The following C2orf78 variants were observed in gnomAD, a reference collection of about 807,000 sequenced individuals.
C2orf78 encodes the protein chromosome 2 open reading frame 78, also known as uncharacterized protein C2orf78.
A neutral mutation model predicts 21.4 loss-of-function variants in C2orf78; 12 were observed. That is an observed-to-expected ratio of 0.56 (90% confidence interval 0.36 to 0.91). The LOEUF is 0.91. Among genes scored for constraint, C2orf78 ranks in the 40% least tolerant of loss-of-function variants. The probability of loss-of-function intolerance (pLI) is 0.01; values close to 1 mark genes in which losing one functional copy is unlikely to be tolerated. For missense variants in C2orf78, 1,042 were observed against 1,092.4 expected (o/e 0.95, Z 0.65); for synonymous variants, 396 against 413.9 (o/e 0.96, Z 0.52).
intron 1 of C2orf78, among the ~76,000 whole-genome samples, chr2:73,808,412 T>C (rs1158210800): frequency 1.1e-4 from 17 of 151,258 alleles, no homozygotes; most frequent in Admixed American, 3.9e-4. Flanking sequence ...CATAGTATTA[T>C]ATAATATGAA....
intron 1 of C2orf78, among the ~76,000 whole-genome samples, chr2:73,810,250 G>C (rs1332273312): frequency 1.3e-5 from 2 of 151,966 alleles, no homozygotes; most frequent in African/African-American, 2.4e-5. Flanking sequence ...TGCTTTAGAG[G>C]CCGGGCAGGA....
exon 2 of C2orf78, chr2:73,813,761 G>A: frequency 1.2e-6 from 2 of 1,614,054 alleles, no homozygotes; most frequent in Non-Finnish European, 1.7e-6. Context: ...AGGCGTTTTT[G>A]AGTGGGATAG....
intron 1 of C2orf78, among the ~76,000 whole-genome samples, chr2:73,810,854 T>C (rs1673074082): frequency 7.3e-6 from 1 of 136,642 alleles, no homozygotes; most frequent in African/African-American, 2.8e-5. Context: ...ACATGTATAT[T>C]ATATATAATA....
chr2:73,808,266 A>G lies in C2orf78; in HGVS notation c.98-5211A>G, dbSNP rs558185215. On this transcript the variant is annotated intron_variant, in intron 1 of 2. Transcript: ENST00000409561. ...CAGACTCCATCTCACAAAAAATTCAATAAAATAAAAAAGCAGCAGTAAATT... is the reference window on the plus strand; with the variant it reads ...CAGACTCCATCTCACAAAAAATTCAGTAAAATAAAAAAGCAGCAGTAAATT... Among the ~76,000 whole-genome samples the G allele has an allele frequency of 4.0e-5, 6 of 151,168 alleles. No homozygotes were observed. In the East Asian group the frequency reaches 1.2e-3, roughly 29 times the overall value.
At chr2:73,808,343 T>A (rs890813304) in intron 1 of C2orf78, among the ~76,000 whole-genome samples, 10 of 151,214 alleles carry the variant, frequency 6.6e-5, no homozygotes, top group Admixed American at 1.3e-4. Context: ...TTGCTCAACT[T>A]AGACATCCCC....
At chr2:73,810,485 C>G (rs1268189365) in intron 1 of C2orf78, among the ~76,000 whole-genome samples, 13 of 149,406 alleles carry the variant, frequency 8.7e-5, no homozygotes, top group Non-Finnish European at 1.5e-4. Flanking sequence ...CTAGATCATG[C>G]CATTGCACTC....
intron 2 of C2orf78, 80 bp downstream of exon 2, chr2:73,814,306 C>T (rs997437631): frequency 9.8e-6 from 14 of 1,430,382 alleles, no homozygotes; most frequent in Middle Eastern, 1.8e-4. Flanking sequence ...GTGGTGAGTC[C>T]GTGGATAGGT....
At chr2:73,816,783 C>A (rs563673924) in exon 3 of C2orf78, 2 of 1,613,920 alleles carry the variant, frequency 1.2e-6, no homozygotes, top group African/African-American at 1.3e-5. Flanking sequence ...CAGCCTCCAA[C>A]CCCGTCCATG....
intron 2 of C2orf78, among the ~76,000 whole-genome samples, chr2:73,814,547 CT>C (rs770173754): frequency 5.3e-5 from 8 of 152,206 alleles, no homozygotes; most frequent in Non-Finnish European, 1.0e-4. Flanking sequence ...TTACTTTAGT[CT>C]CTTTGGAAGG....
chr2:73,816,995 G>T, exon 3 of C2orf78: 1 of 1,601,646 alleles, frequency 6.2e-7, no homozygotes, highest in Admixed American at 1.7e-5. Context: ...CAATCTAAGA[G>T]CTGAGATTGT....
At chr2:73,814,006 C>T in exon 2 of C2orf78, 2 of 1,614,040 alleles carry the variant, frequency 1.2e-6, no homozygotes, top group Non-Finnish European at 1.7e-6. Context: ...AGATAGGAAG[C>T]CAGGTCTATT....
At chr2:73,784,536 T>G in intron 1 of C2orf78, 130 bp downstream of exon 1, 1 of 642,598 alleles carries the variant, frequency 1.6e-6, no homozygotes, top group South Asian at 1.9e-5. Flanking sequence ...TCCAGAGACC[T>G]CATTTCAGTT....
exon 3 of C2orf78, chr2:73,815,172 A>G (rs1466034284): frequency 1.2e-6 from 2 of 1,613,888 alleles, no homozygotes; most frequent in East Asian, 2.2e-5. Flanking sequence ...GTCCTTCAGT[A>G]GCAGAAATAC....
In C2orf78 at chr2:73,813,994, C is replaced by T. The variant is rs761217686; in HGVS notation, c.615C>T (p.Cys205=). 7.4e-6 allele frequency: 12 copies of T among 1,613,904 alleles called. No individual in the cohort carries two copies. In the East Asian group the frequency reaches 1.1e-4, roughly 15 times the overall value. Residue 205 remains cysteine (C), a synonymous_variant, in exon 2 of 3, where the codon TGC becomes TGT. Coordinates refer to ENST00000409561, the Ensembl canonical transcript of C2orf78. The stretch of plus-strand genomic sequence containing the variant: ...AGGGCCATAACCTGTCACTTCCCTG[C>T]CAGATAGGAAGCCAGGTCTATTACT...
chr2:73,815,509 G>C, exon 3 of C2orf78: 1 of 1,613,850 alleles, frequency 6.2e-7, no homozygotes, highest in Middle Eastern at 1.6e-4. Context: ...GAGGACCAAG[G>C]GATATTTGAA....
exon 2 of C2orf78, chr2:73,813,792 A>T: frequency 1.2e-6 from 2 of 1,614,062 alleles, no homozygotes; most frequent in Non-Finnish European, 1.7e-6. Flanking sequence ...ACAGTAAAGA[A>T]GTCATCCTCA....
At chr2:73,785,836 C>G (rs1341133186) in intron 1 of C2orf78, among the ~76,000 whole-genome samples, 1 of 151,898 alleles carries the variant, frequency 6.6e-6, no homozygotes, top group Non-Finnish European at 1.5e-5. Context: ...CACCTGAGGT[C>G]AGGAGTGTGA....
intron 1 of C2orf78, among the ~76,000 whole-genome samples, chr2:73,809,992 TA>T (rs1464420084): frequency 1.3e-5 from 2 of 150,732 alleles, no homozygotes; most frequent in African/African-American, 4.9e-5. Context: ...GATTTTAAAA[TA>T]AAAAAATATA....
chr2:73,810,387 C>T (rs1367053723), intron 1 of C2orf78, among the ~76,000 whole-genome samples: 1 of 151,420 alleles, frequency 6.6e-6, no homozygotes, highest in African/African-American at 2.4e-5. Context: ...ATTAGCCGGG[C>T]ATGGTGGCAC....
Sources: allele counts gnomAD v4.1 joint callset (sites outside exome capture counted in the v4.1 genomes callset), GRCh38; gene constraint gnomAD v4.1.1; transcripts MANE v1.5; gene names NCBI Gene and HGNC (gene_info 2026-07-23, HGNC 2026-07-21).